SHISA6: variants seen among roughly 807,000 people sequenced by gnomAD.
SHISA6 encodes the protein shisa family member 6.
In SHISA6, 22 loss-of-function variants were observed where a neutral mutation model predicts 47.9. That is an observed-to-expected ratio of 0.46 (90% CI 0.33 to 0.66). SHISA6 has a LOEUF of 0.66. Ranked by LOEUF, SHISA6 falls within the 30% of genes least tolerant of loss-of-function variation. The probability of loss-of-function intolerance (pLI) is 0.02; values close to 1 mark genes in which losing one functional copy is unlikely to be tolerated. For synonymous variants in SHISA6, 388 were observed against 337.8 expected (o/e 1.15, Z -1.63); for missense variants, 680 against 764.6 (o/e 0.89, Z 1.30).
At chr17:11,253,983 A>ATTCCCAACACCACTG (rs766191649) in intron 1 of SHISA6, among the ~76,000 whole-genome samples, 2 of 152,076 alleles carry the variant, frequency 1.3e-5, no homozygotes, top group Non-Finnish European at 2.9e-5. Flanking sequence ...GTGAATCACC[A>ATTCCCAACACCACTG]TTCCCAACAC....
At chr17:11,279,265 C>T (rs1467645119) in intron 2 of SHISA6, among the ~76,000 whole-genome samples, 1 of 152,172 alleles carries the variant, frequency 6.6e-6, no homozygotes, top group Non-Finnish European at 1.5e-5. Flanking sequence ...TGAGCAAAGA[C>T]ACTGCTTAAC....
intron 2 of SHISA6, among the ~76,000 whole-genome samples, chr17:11,301,906 A>G (rs1909941333): frequency 6.6e-6 from 1 of 152,244 alleles, no homozygotes; most frequent in Non-Finnish European, 1.5e-5. Context: ...AAAGAGGTTC[A>G]GTTGGACTTA....
chr17:11,379,263 G>T, intron 2 of SHISA6, 151 bp from the exon 3 acceptor site: 1 of 295,668 alleles, frequency 3.4e-6, no homozygotes, highest in Non-Finnish European at 6.2e-6. Flanking sequence ...TTATATGTAT[G>T]TGTATATATA....
intron 2 of SHISA6, among the ~76,000 whole-genome samples, chr17:11,343,120 G>A (rs950434673): frequency 7.2e-5 from 11 of 152,262 alleles, no homozygotes; most frequent in African/African-American, 2.6e-4. Context: ...CCCCCTATAA[G>A]TTATATGTGA....
At chr17:11,342,928 G>A (rs1165559439) in intron 2 of SHISA6, among the ~76,000 whole-genome samples, 2 of 152,156 alleles carry the variant, frequency 1.3e-5, no homozygotes, top group Non-Finnish European at 2.9e-5. Context: ...GGACTGGGAG[G>A]GGACCTTGGG....
intron 2 of SHISA6, among the ~76,000 whole-genome samples, chr17:11,330,487 A>AGG (rs976235974): frequency 6.8e-5 from 3 of 44,026 alleles, no homozygotes; most frequent in African/African-American, 1.2e-4. Flanking sequence ...GAGTAATGCT[A>AGG]GGGAGAGAGA....
intron 3 of SHISA6, among the ~76,000 whole-genome samples, chr17:11,496,872 A>C (rs569392325): frequency 6.6e-6 from 1 of 152,244 alleles, no homozygotes; most frequent in Non-Finnish European, 1.5e-5. Flanking sequence ...ATTCCTGCAA[A>C]CATTTCCATG....
At chr17:11,514,011 G>C (rs1023182002) in intron 3 of SHISA6, among the ~76,000 whole-genome samples, 20 of 152,174 alleles carry the variant, frequency 1.3e-4, no homozygotes, top group African/African-American at 3.9e-4. Flanking sequence ...TAGGTGATAG[G>C]TTTGAAACTT....
chr17:11,446,489 T>C (rs1915241342), intron 3 of SHISA6, among the ~76,000 whole-genome samples: 1 of 152,202 alleles, frequency 6.6e-6, no homozygotes, highest in Non-Finnish European at 1.5e-5. Context: ...GCTCTGACCT[T>C]TAGAATAGAA....
chr17:11,265,038 G>C (rs143519479), intron 2 of SHISA6, among the ~76,000 whole-genome samples: 1 of 152,192 alleles, frequency 6.6e-6, no homozygotes, highest in African/African-American at 2.4e-5. Context: ...TAATACCATA[G>C]GTCCTTAAAA....
chr17:11,447,919 C>A (rs1463747030), intron 3 of SHISA6, among the ~76,000 whole-genome samples: 1 of 152,140 alleles, frequency 6.6e-6, no homozygotes, highest in African/African-American at 2.4e-5. Context: ...GTGGGCAGGG[C>A]TGGAGGGGCA....
intron 3 of SHISA6, among the ~76,000 whole-genome samples, chr17:11,540,432 C>T (rs111971560): frequency 6.6e-6 from 1 of 152,086 alleles, no homozygotes; most frequent in Non-Finnish European, 1.5e-5. Context: ...ATCAGAGGAC[C>T]CTGTGTACAC....
intron 3 of SHISA6, among the ~76,000 whole-genome samples, chr17:11,515,934 C>G (rs957074434): frequency 6.6e-6 from 1 of 152,134 alleles, no homozygotes; most frequent in Non-Finnish European, 1.5e-5. Context: ...CTTCCCTCGC[C>G]CACAGTTCTC....
chr17:11,462,280 G>C (rs570993888), intron 3 of SHISA6, among the ~76,000 whole-genome samples: 1 of 152,292 alleles, frequency 6.6e-6, no homozygotes. Context: ...AGGATGCCAT[G>C]CATTCTAAGG....
At chr17:11,452,907 ATCT>A (rs930814143) in intron 3 of SHISA6, among the ~76,000 whole-genome samples, 2 of 138,712 alleles carry the variant, frequency 1.4e-5, no homozygotes, top group Admixed American at 1.4e-4. Context: ...CCTCTACTTT[ATCT>A]TCTTCTCCTC....
chr17:11,436,074 C>T (rs944294272), intron 3 of SHISA6, among the ~76,000 whole-genome samples: 2 of 152,144 alleles, frequency 1.3e-5, no homozygotes, highest in East Asian at 1.9e-4. Flanking sequence ...AACCTGCAAC[C>T]GAATGTCAAG....
At chr17:11,280,698 A>T (rs9898629) in intron 2 of SHISA6, among the ~76,000 whole-genome samples, 147,223 of 152,312 alleles carry the variant, frequency 0.97, 71,239 homozygotes, top group East Asian at 1. Flanking sequence ...GTGGAGGAAT[A>T]GACCAAGATA....
intron 3 of SHISA6, among the ~76,000 whole-genome samples, chr17:11,419,150 G>T (rs1027937717): frequency 6.6e-6 from 1 of 151,564 alleles, no homozygotes; most frequent in South Asian, 2.1e-4. Context: ...ACACCAACGT[G>T]GCACATGTAT....
chr17:11,407,934 T>C (rs1468622452), intron 3 of SHISA6, among the ~76,000 whole-genome samples: 2 of 152,182 alleles, frequency 1.3e-5, no homozygotes, highest in African/African-American at 4.8e-5. Context: ...GTGGCTTCAT[T>C]GGTGACCTCA....
Sources: gnomAD v4.1 joint callset for allele counts (sites outside exome capture counted in the v4.1 genomes callset) on GRCh38, gnomAD v4.1.1 for gene constraint, MANE v1.5 for transcripts, NCBI Gene and HGNC (gene_info 2026-07-23, HGNC 2026-07-21) for gene names.